The following TBCA variants were observed in gnomAD, a reference collection of about 807,000 sequenced individuals.
The protein encoded by TBCA is tubulin folding cofactor A.
Under a neutral mutation model 15.8 loss-of-function variants are expected in TBCA, and 6 were observed. The ratio of observed to expected loss-of-function variants is 0.38; its 90% CI spans 0.21 to 0.75. The LOEUF (loss-of-function observed/expected upper bound fraction) is 0.75. Ranked by LOEUF, TBCA falls within the 30% of genes least tolerant of loss-of-function variation. TBCA has a pLI of 0.46. For missense variants in TBCA, 90 were observed against 131.2 expected (o/e 0.69, Z 1.53); for synonymous variants, 32 against 42.3 (o/e 0.76, Z 0.94).
chr5:77,721,029 A>G (rs912837854), intron 1 of TBCA, among the ~76,000 whole-genome samples: 2 of 152,232 alleles, frequency 1.3e-5, no homozygotes, highest in African/African-American at 4.8e-5. Flanking sequence ...GGTTATTTCA[A>G]ACTAATATTG....
At chr5:77,755,357 T>C (rs1747448739) in intron 1 of TBCA, among the ~76,000 whole-genome samples, 1 of 151,942 alleles carries the variant, frequency 6.6e-6, no homozygotes, top group Non-Finnish European at 1.5e-5. Flanking sequence ...GGTGAGCAGA[T>C]CATGAGGTCA....
intron 1 of TBCA, among the ~76,000 whole-genome samples, chr5:77,743,741 AG>A (rs1431944962): frequency 2.0e-5 from 3 of 152,128 alleles, no homozygotes; most frequent in African/African-American, 7.2e-5. Context: ...CTTTATACGG[AG>A]GTCTTCAAAT....
chr5:77,703,227 G>C (rs531988026), intron 2 of TBCA, among the ~76,000 whole-genome samples: 1 of 152,282 alleles, frequency 6.6e-6, no homozygotes, highest in South Asian at 2.1e-4. Context: ...AATTATACCA[G>C]TTTGTCTTAT....
At chr5:77,746,136 C>T (rs1348437422) in intron 1 of TBCA, among the ~76,000 whole-genome samples, 1 of 152,062 alleles carries the variant, frequency 6.6e-6, no homozygotes, top group Admixed American at 6.6e-5. Flanking sequence ...AAACCTGTTG[C>T]ACTGTTTCAG....
chr5:77,725,707 C>T lies in TBCA; in HGVS notation c.54-17360G>A, dbSNP rs146445344. ...TGCTTTGCTCAGAAAGCCTAAAACA[C>T]TTTGTCATATTTTATGTCAATTACC... On this transcript the variant is annotated intron_variant, in intron 1 of 3. Coordinates refer to ENST00000380377, the MANE Select transcript of TBCA (RefSeq NM_004607.3). Among the ~76,000 whole-genome samples the T allele has an allele frequency of 5.9e-3, 906 of 152,280 alleles. 3 individuals are homozygous for T. Among genetic ancestry groups the T allele is most frequent in the Non-Finnish European group, 0.011 (715 of 68,022 alleles).
chr5:77,696,995 C>T (rs1179757718), intron 2 of TBCA, among the ~76,000 whole-genome samples: 1 of 152,028 alleles, frequency 6.6e-6, no homozygotes, highest in Non-Finnish European at 1.5e-5. Context: ...TTATTACAGA[C>T]AAAGAGGGAT....
At chr5:77,726,141 T>C (rs558239928) in intron 1 of TBCA, among the ~76,000 whole-genome samples, 17 of 152,218 alleles carry the variant, frequency 1.1e-4, no homozygotes, top group Non-Finnish European at 1.5e-4. Context: ...ATTAAGGGTA[T>C]CCGCTGTGTA....
At chr5:77,717,920 G>C (rs963115765) in intron 1 of TBCA, among the ~76,000 whole-genome samples, 1 of 151,282 alleles carries the variant, frequency 6.6e-6, no homozygotes, top group African/African-American at 2.4e-5. Flanking sequence ...ACCTGAGGTC[G>C]GGAGTTCCAG....
chr5:77,753,534 GAGA>G (rs1747404312), intron 1 of TBCA, among the ~76,000 whole-genome samples: 3 of 152,194 alleles, frequency 2.0e-5, no homozygotes, highest in African/African-American at 4.8e-5. Context: ...TCATAAAAGA[GAGA>G]AGGAGGTAAG....
intron 1 of TBCA, among the ~76,000 whole-genome samples, chr5:77,763,765 TA>T (rs1355303594): frequency 6.6e-6 from 1 of 152,158 alleles, no homozygotes; most frequent in East Asian, 1.9e-4. Context: ...CTTTGAGAAA[TA>T]AATTCTATCA....
At chr5:77,774,358 T>C (rs1269520448) in intron 1 of TBCA, among the ~76,000 whole-genome samples, 2 of 152,226 alleles carry the variant, frequency 1.3e-5, no homozygotes, top group Non-Finnish European at 2.9e-5. Context: ...CCTGATCCAC[T>C]AGAAAATTAA....
intron 1 of TBCA, among the ~76,000 whole-genome samples, chr5:77,760,103 G>A (rs1391390367): frequency 1.3e-5 from 2 of 152,160 alleles, no homozygotes; most frequent in African/African-American, 2.4e-5. Context: ...CAAGAGTTGA[G>A]AGAAGAGGGG....
At chr5:77,757,003 A>G (rs1220310853) in intron 1 of TBCA, among the ~76,000 whole-genome samples, 2 of 151,692 alleles carry the variant, frequency 1.3e-5, no homozygotes, top group Non-Finnish European at 2.9e-5. Flanking sequence ...TGAAAGAACA[A>G]TTTTTTTTTA....
intron 3 of TBCA, chr5:77,692,885 T>C (rs1364428200): frequency 2.3e-5 from 27 of 1,167,302 alleles, no homozygotes; most frequent in Non-Finnish European, 2.9e-5. Flanking sequence ...TTTAATAAGA[T>C]CCCAAATTCT....
At chr5:77,725,072 G>A (rs1028869169) in intron 1 of TBCA, among the ~76,000 whole-genome samples, 14 of 57,772 alleles carry the variant, frequency 2.4e-4, no homozygotes, top group African/African-American at 8.3e-4. Flanking sequence ...TACCTGAGAC[G>A]GCTTTTTTAT....
chr5:77,715,185 A>C lies in TBCA; in HGVS notation c.54-6838T>G, dbSNP rs1171096164. 4 of 691,796 alleles carry C rather than the reference A, an allele frequency of 5.8e-6. No homozygotes were observed. The Admixed American group carries it at 6.4e-5, about 11-fold the overall frequency. 42.9% of individuals were successfully genotyped at this position (691,796 alleles called of 1,614,324 possible). On this transcript the variant is annotated intron_variant, in intron 1 of 3. Coordinates refer to ENST00000380377, the MANE Select transcript of TBCA (RefSeq NM_004607.3). ...GTTATAGGCCAAGGGATCTATTTTT[A>C]GTTACATAAAAATGTAAAAAGTTGA...
intron 1 of TBCA, among the ~76,000 whole-genome samples, chr5:77,774,630 T>C (rs1561288253): frequency 1.3e-5 from 2 of 152,200 alleles, no homozygotes; most frequent in Non-Finnish European, 2.9e-5. Flanking sequence ...ATCAAACCAA[T>C]GTACATCGTA....
At chr5:77,761,174 G>A (rs1007803305) in intron 1 of TBCA, among the ~76,000 whole-genome samples, 1 of 151,964 alleles carries the variant, frequency 6.6e-6, no homozygotes, top group African/African-American at 2.4e-5. Context: ...TGATGATGAT[G>A]GTGGTTTTGT....
chr5:77,712,803 T>C (rs1444051078), intron 1 of TBCA, among the ~76,000 whole-genome samples: 2 of 152,196 alleles, frequency 1.3e-5, no homozygotes, highest in African/African-American at 2.4e-5. Context: ...TGTATGATTG[T>C]AGAGCATTTC....
Sources: allele counts gnomAD v4.1 joint callset (sites outside exome capture counted in the v4.1 genomes callset), GRCh38; gene constraint gnomAD v4.1.1; transcripts MANE v1.5; gene names NCBI Gene and HGNC (gene_info 2026-07-23, HGNC 2026-07-21).